Variants in MYOM1 observed in about 807,000 individuals in gnomAD.
MYOM1 encodes the protein myomesin-1.
In MYOM1, 164 loss-of-function variants were observed where a neutral mutation model predicts 205.3. That is an observed-to-expected ratio of 0.80 (90% CI 0.70 to 0.91). The LOEUF (loss-of-function observed/expected upper bound fraction) is 0.91, where lower values mean the gene tolerates loss of function less well. MYOM1 is among the 40% of genes least tolerant of loss of function. The pLI, the probability that MYOM1 is intolerant of heterozygous loss-of-function variation, is 0.00. For synonymous variants in MYOM1, 772 were observed against 789.4 expected (o/e 0.98, Z 0.37); for missense variants, 2,011 against 2,127.3 (o/e 0.95, Z 1.08).
At chr18:3,102,194 C>G (rs371902187) in intron 23 of MYOM1, among the ~76,000 whole-genome samples, 3 of 151,566 alleles carry the variant, frequency 2.0e-5, no homozygotes, top group Admixed American at 2.0e-4. Context: ...TTAGCAGAGA[C>G]GGGGTTTCAC....
chr18:3,082,219 C>T (rs2079092473), intron 33 of MYOM1, among the ~76,000 whole-genome samples: 1 of 152,116 alleles, frequency 6.6e-6, no homozygotes, highest in Non-Finnish European at 1.5e-5. Context: ...TAGTAGGCCA[C>T]GGACTGGTAC....
rs555598943 is a variant in MYOM1, at chr18:3,079,172, T to C, written c.4648+7A>G. ...AGTAAATTTGAATCTGCAAAATATCTGTTTACCTTGTCCAGAGAGATCCAC... is the reference window on the plus strand; with the variant it reads ...AGTAAATTTGAATCTGCAAAATATCCGTTTACCTTGTCCAGAGAGATCCAC... On this transcript the variant is annotated splice_region_variant and intron_variant, in intron 34 of 37. Coordinates refer to ENST00000356443, the MANE Select transcript of MYOM1 (RefSeq NM_003803.4). 223 of 1,613,430 alleles carry C rather than the reference T, an allele frequency of 1.4e-4. 1 individual carries two copies. Among genetic ancestry groups the C allele is most frequent in the Middle Eastern group, 6.8e-4 (4 of 5,912 alleles).
intron 5 of MYOM1, among the ~76,000 whole-genome samples, chr18:3,177,233 T>C (rs2080654550): frequency 6.6e-6 from 1 of 151,340 alleles, no homozygotes; most frequent in Admixed American, 6.6e-5. Flanking sequence ...AGTGAGACCG[T>C]GTCTTAAAAT....
chr18:3,095,503 G>T (rs765155106), intron 25 of MYOM1, among the ~76,000 whole-genome samples: 16 of 152,298 alleles, frequency 1.1e-4, no homozygotes, highest in Non-Finnish European at 1.9e-4. Context: ...GGGAGGCGGA[G>T]GTTGCAGTGA....
intron 11 of MYOM1, among the ~76,000 whole-genome samples, chr18:3,153,013 G>A (rs755731066): frequency 2.0e-5 from 3 of 152,148 alleles, no homozygotes; most frequent in Admixed American, 6.6e-5. Flanking sequence ...GAGCTGCTAG[G>A]GGTTTGGGGA....
At chr18:3,161,708 G>T (rs560614405) in intron 10 of MYOM1, among the ~76,000 whole-genome samples, 13 of 152,202 alleles carry the variant, frequency 8.5e-5, no homozygotes, top group Non-Finnish European at 1.9e-4. Context: ...CAGCAGCTTA[G>T]TCTAGATCCT....
At chr18:3,089,663 G>C in intron 27 of MYOM1, 67 bp from the exon 28 acceptor site, 1 of 1,227,438 alleles carries the variant, frequency 8.1e-7, no homozygotes, top group East Asian at 2.4e-5. Flanking sequence ...GTCAGCCACT[G>C]CACTAAGTGA....
At chr18:3,088,942 T>A (rs976881560) in intron 29 of MYOM1, among the ~76,000 whole-genome samples, 1 of 152,380 alleles carries the variant, frequency 6.6e-6, no homozygotes, top group East Asian at 1.9e-4. Flanking sequence ...AGGGTGTTAC[T>A]AACTAGATCA....
intron 5 of MYOM1, among the ~76,000 whole-genome samples, chr18:3,178,018 C>T (rs796282175): frequency 1.4e-4 from 22 of 152,256 alleles, no homozygotes; most frequent in African/African-American, 5.3e-4. Flanking sequence ...GTACGTGGCG[C>T]CTGGATTCTT....
chr18:3,142,079 G>T lies in MYOM1; in HGVS notation c.1901-16C>A. ...ACAATACCCTCTGAAAAACAACAAG[G>T]AAAAATGAGAAGCACACATTCTGGG... On this transcript the variant is annotated splice_polypyrimidine_tract_variant and intron_variant, in intron 13 of 37. Coordinates refer to ENST00000356443, the MANE Select transcript of MYOM1 (RefSeq NM_003803.4). The T allele has an allele frequency of 6.2e-7, 1 of 1,611,144 alleles. No individual in the cohort carries two copies. The highest frequency in any genetic ancestry group is 8.5e-7 in the Non-Finnish European group (1 of 1,178,438).
intron 8 of MYOM1, among the ~76,000 whole-genome samples, chr18:3,172,716 C>T (rs973570445): frequency 3.3e-5 from 5 of 152,072 alleles, no homozygotes; most frequent in Admixed American, 1.3e-4. Context: ...CATGATGTTG[C>T]ACCAGGCTGG....
chr18:3,243,779 G>A, the MYOM1 span, among the ~76,000 whole-genome samples: 1 of 152,108 alleles, frequency 6.6e-6, no homozygotes, highest in African/African-American at 2.4e-5. Context: ...TCAATGAAAC[G>A]GAGGTAATAA....
At chr18:3,097,474 A>C (rs931890477) in intron 25 of MYOM1, among the ~76,000 whole-genome samples, 1 of 152,114 alleles carries the variant, frequency 6.6e-6, no homozygotes, top group African/African-American at 2.4e-5. Flanking sequence ...CCCAGGCTGA[A>C]GTGCAGTGGC....
intron 8 of MYOM1, among the ~76,000 whole-genome samples, chr18:3,169,652 C>T (rs964200010): frequency 2.0e-5 from 3 of 152,068 alleles, no homozygotes; most frequent in African/African-American, 4.8e-5. Context: ...CAGGCAATAA[C>T]GCTGACAAAG....
intron 2 of MYOM1, among the ~76,000 whole-genome samples, chr18:3,203,148 T>C (rs2081087471): frequency 6.6e-6 from 1 of 151,416 alleles, no homozygotes; most frequent in Admixed American, 6.6e-5. Context: ...GCTAAAGCAG[T>C]ACTTAGAGGG....
chr18:3,093,029 G>C (rs1193795979), intron 26 of MYOM1, among the ~76,000 whole-genome samples: 1 of 152,090 alleles, frequency 6.6e-6, no homozygotes, highest in Non-Finnish European at 1.5e-5. Flanking sequence ...GCAGTCGAGG[G>C]AACATTTTGA....
At chr18:3,232,007 GC>G in the MYOM1 span, among the ~76,000 whole-genome samples, 1 of 151,538 alleles carries the variant, frequency 6.6e-6, no homozygotes, top group Non-Finnish European at 1.5e-5. Flanking sequence ...TTATTTCCTT[GC>G]TTTTTTTAAT....
chr18:3,110,496 T>G (rs1426959372), intron 22 of MYOM1, among the ~76,000 whole-genome samples: 3 of 152,202 alleles, frequency 2.0e-5, no homozygotes, highest in Admixed American at 6.5e-5. Context: ...AGTGTCACAC[T>G]CACTGGCAAA....
At position 3,214,992 on chromosome 18, in the gene MYOM1, G is replaced by GGGCGTGCTGCGA; in HGVS notation, c.220_231dup (p.Ser74_Ala77dup). The GGGCGTGCTGCGA allele has an allele frequency of 6.2e-7, 1 of 1,611,642 alleles. No homozygotes were observed. The highest frequency in any genetic ancestry group is 8.5e-7 in the Non-Finnish European group (1 of 1,178,792). On this transcript the variant is annotated inframe_insertion, in exon 2 of 38. Transcript: ENST00000356443. ...GCCTTCCGACTGACTTCAGAGCTCA[G>GGGCGTGCTGCGA]GGCGTGCTGCGAGGCCTGCTGCTGG...
Sources: gnomAD v4.1 joint callset for allele counts (sites outside exome capture counted in the v4.1 genomes callset) on GRCh38, gnomAD v4.1.1 for gene constraint, MANE v1.5 for transcripts, NCBI Gene and HGNC (gene_info 2026-07-23, HGNC 2026-07-21) for gene names.